The following EPYC variants were observed in gnomAD, a reference collection of about 807,000 sequenced individuals.
EPYC encodes dermatan sulfate proteoglycan 3.
Under a neutral mutation model 30.1 loss-of-function variants are expected in EPYC, and 28 were observed. That is an observed-to-expected ratio of 0.93 (90% CI 0.69 to 1.28). EPYC has a LOEUF of 1.28. Ranked by LOEUF, EPYC falls within the 50% of genes most tolerant of loss-of-function variation. The pLI is 0.00. For synonymous variants in EPYC, 144 were observed against 141.4 expected (o/e 1.02, Z -0.13); for missense variants, 382 against 383.5 (o/e 1.00, Z 0.03).
intron 2 of EPYC, among the ~76,000 whole-genome samples, chr12:90,980,350 G>C (rs1430502533): frequency 6.6e-6 from 1 of 152,104 alleles, no homozygotes; most frequent in East Asian, 1.9e-4. Flanking sequence ...AAATTGTTTT[G>C]TTCATGCTTC....
chr12:90,981,612 C>T (rs1049680996), intron 2 of EPYC, among the ~76,000 whole-genome samples: 1 of 151,990 alleles, frequency 6.6e-6, no homozygotes, highest in African/African-American at 2.4e-5. Flanking sequence ...TTTAAATGAT[C>T]TATATAATTA....
intron 2 of EPYC, among the ~76,000 whole-genome samples, 190 bp downstream of exon 2, chr12:91,002,211 A>AAAG (rs1555216339): frequency 7.1e-6 from 1 of 140,284 alleles, no homozygotes; most frequent in Non-Finnish European, 1.6e-5. Flanking sequence ...AAAAAAAAAA[A>AAAG]GGGCAAAAGA....
chr12:90,970,051 T>C lies in EPYC; in HGVS notation c.791A>G (p.His264Arg), dbSNP rs1250280261. ...LPLPENLRAL[H>R]LQNNNILEMH... ...TTACTGGTAGACTCCTACCTGGAGGTGAAGGGCTCGTAGATTTTCTGGGAG... is the reference window on the plus strand; with the variant it reads ...TTACTGGTAGACTCCTACCTGGAGGCGAAGGGCTCGTAGATTTTCTGGGAG... The change falls in exon 6 of 7, where the codon CAC becomes CGC. Residue 264 changes from histidine (H) to arginine (R), a missense_variant. Physicochemically the swap from His to Arg is conservative, Grantham distance 29 (BLOSUM62 0). Coordinates refer to ENST00000261172, the MANE Select transcript of EPYC (RefSeq NM_004950.5). 1 of 1,613,086 alleles carries C rather than the reference T, an allele frequency of 6.2e-7. No individual in the cohort carries two copies. Among genetic ancestry groups the C allele is most frequent in the African/African-American group, 1.3e-5 (1 of 74,884 alleles).
chr12:91,002,572 A>G lies in EPYC; in HGVS notation c.-7T>C. 6.3e-7 allele frequency: 1 copy of G among 1,597,758 alleles called. No homozygotes were observed. The highest frequency in any genetic ancestry group is 2.3e-5 in the East Asian group (1 of 44,412). On this transcript the variant is annotated 5_prime_UTR_variant, in exon 2 of 7. Transcript: ENST00000261172. ...GTCCTGCTAATGTCTTCATTTTTCA[A>G]GCTTTCCTAATTATAAAATATTAAA...
At chr12:90,969,554 C>T (rs994419264) in intron 6 of EPYC, among the ~76,000 whole-genome samples, 1 of 150,260 alleles carries the variant, frequency 6.7e-6, no homozygotes, top group African/African-American at 2.4e-5. Context: ...TTTGTTTATC[C>T]AGAGAGATGG....
chr12:90,971,296 C>G (rs1368206090), intron 5 of EPYC, among the ~76,000 whole-genome samples: 2 of 152,068 alleles, frequency 1.3e-5, no homozygotes, highest in African/African-American at 2.4e-5. Flanking sequence ...CACAATGTAC[C>G]AGAATATGGT....
intron 2 of EPYC, among the ~76,000 whole-genome samples, chr12:90,986,478 C>T (rs972561956): frequency 2.6e-5 from 4 of 152,142 alleles, no homozygotes; most frequent in African/African-American, 9.7e-5. Context: ...TATCCAACCC[C>T]TATACTCTGC....
chr12:90,999,807 T>G lies in EPYC; in HGVS notation c.165+2594A>C, dbSNP rs572585076. 2.0e-4 allele frequency among the ~76,000 whole-genome samples: 30 copies of G among 152,214 alleles called. No individual in the cohort carries two copies. In the East Asian group the frequency reaches 5.6e-3, roughly 28 times the overall value. ...CCCCATAAGAAATTGTGTGCTGTTT[T>G]TTTTGCTTGTTTGAAAAGCAATTCA... On this transcript the variant is annotated intron_variant, in intron 2 of 6. Transcript: ENST00000261172.
intron 6 of EPYC, among the ~76,000 whole-genome samples, chr12:90,968,497 G>C (rs1037000060): frequency 6.6e-6 from 1 of 151,974 alleles, no homozygotes; most frequent in African/African-American, 2.4e-5. Context: ...ATAAAAAAGG[G>C]GATTTATTTA....
intron 5 of EPYC, among the ~76,000 whole-genome samples, chr12:90,971,208 C>G (rs1193877876): frequency 1.3e-5 from 2 of 152,098 alleles, no homozygotes; most frequent in Admixed American, 6.6e-5. Flanking sequence ...GTAGATGGTG[C>G]TTCTGTAGAT....
At chr12:90,965,193 C>A (rs189032324) in intron 6 of EPYC, among the ~76,000 whole-genome samples, 35 of 152,142 alleles carry the variant, frequency 2.3e-4, no homozygotes, top group African/African-American at 7.7e-4. Context: ...GTACTTCATT[C>A]TTTTTTGTTG....
chr12:90,982,548 C>A (rs951773251), intron 2 of EPYC, among the ~76,000 whole-genome samples: 1 of 151,992 alleles, frequency 6.6e-6, no homozygotes, highest in African/African-American at 2.4e-5. Context: ...TTGTATTAGG[C>A]AAATAATTTC....
At chr12:90,975,022 C>T (rs752942510) in intron 3 of EPYC, among the ~76,000 whole-genome samples, 1 of 151,886 alleles carries the variant, frequency 6.6e-6, no homozygotes, top group Non-Finnish European at 1.5e-5. Flanking sequence ...ATTTGATCAA[C>T]CTAGTTGAAA....
intron 6 of EPYC, among the ~76,000 whole-genome samples, chr12:90,968,680 A>G (rs1174406704): frequency 6.6e-6 from 1 of 152,144 alleles, no homozygotes; most frequent in Non-Finnish European, 1.5e-5. Flanking sequence ...CTCATATTAT[A>G]TATACAAACT....
chr12:90,983,295 G>A (rs372289339), intron 2 of EPYC, among the ~76,000 whole-genome samples: 2 of 152,152 alleles, frequency 1.3e-5, no homozygotes, highest in African/African-American at 4.8e-5. Context: ...ACTACTAACA[G>A]TTCTAATATC....
intron 2 of EPYC, among the ~76,000 whole-genome samples, chr12:90,993,146 T>C (rs747209173): frequency 2.6e-5 from 4 of 152,252 alleles, no homozygotes; most frequent in Non-Finnish European, 5.9e-5. Context: ...TAATTGATGA[T>C]TGAGAGAAGG....
intron 2 of EPYC, among the ~76,000 whole-genome samples, chr12:90,997,254 G>T (rs1033288848): frequency 4.6e-5 from 7 of 151,968 alleles, no homozygotes; most frequent in African/African-American, 1.7e-4. Flanking sequence ...ATACACAGGG[G>T]TAGTACAGGA....
chr12:90,967,278 A>G (rs982006162), intron 6 of EPYC, among the ~76,000 whole-genome samples: 11 of 151,500 alleles, frequency 7.3e-5, no homozygotes, highest in African/African-American at 2.7e-4. Flanking sequence ...GCTCCATCCC[A>G]TACATTTCAA....
intron 6 of EPYC, among the ~76,000 whole-genome samples, chr12:90,967,353 G>GC (rs1403406141): frequency 6.6e-6 from 1 of 150,596 alleles, no homozygotes; most frequent in African/African-American, 2.4e-5. Flanking sequence ...TTCTATTTTG[G>GC]CCCATTAGTG....
Sources: gnomAD v4.1 joint callset for allele counts (sites outside exome capture counted in the v4.1 genomes callset) on GRCh38, gnomAD v4.1.1 for gene constraint, MANE v1.5 for transcripts, NCBI Gene and HGNC (gene_info 2026-07-23, HGNC 2026-07-21) for gene names.